Variants in NPHP1 observed in about 807,000 individuals in gnomAD.
NPHP1 encodes nephrocystin-1.
A neutral mutation model predicts 90.4 loss-of-function variants in NPHP1; 70 were observed. The ratio of observed to expected loss-of-function variants is 0.77; its 90% CI spans 0.64 to 0.95. The LOEUF is 0.95. Among genes scored for constraint, NPHP1 ranks in the 40% least tolerant of loss-of-function variants. The pLI is 0.00. For synonymous variants in NPHP1, 256 were observed against 271.7 expected (o/e 0.94, Z 0.57); for missense variants, 764 against 795.9 (o/e 0.96, Z 0.48).
chr2:110,185,763 C>T (rs1684240122), intron 2 of NPHP1, among the ~76,000 whole-genome samples: 1 of 152,088 alleles, frequency 6.6e-6, no homozygotes, highest in Non-Finnish European at 1.5e-5. Context: ...ACTGGAAAGT[C>T]AGGAGGGAGC....
intron 4 of NPHP1, 72 bp downstream of exon 4, chr2:110,178,351 T>C (rs781601606): frequency 3.8e-5 from 55 of 1,433,582 alleles, no homozygotes; most frequent in Non-Finnish European, 4.1e-5. Context: ...CTATATGTCT[T>C]TGAGTTAAAC....
chr2:110,192,057 A>T (rs1033448058), intron 2 of NPHP1, among the ~76,000 whole-genome samples: 1 of 152,146 alleles, frequency 6.6e-6, no homozygotes, highest in Non-Finnish European at 1.5e-5. Context: ...GAGATGGGGA[A>T]AAAACAGAGC....
At chr2:110,176,559 T>G (rs1390248260) in intron 4 of NPHP1, among the ~76,000 whole-genome samples, 1 of 152,192 alleles carries the variant, frequency 6.6e-6, no homozygotes, top group South Asian at 2.1e-4. Context: ...CTTACAGACT[T>G]TGGATTATGT....
At chr2:110,150,057 C>T (rs1259643412) in intron 12 of NPHP1, 125 bp downstream of exon 12, 2 of 824,222 alleles carry the variant, frequency 2.4e-6, no homozygotes, top group African/African-American at 3.4e-5. Flanking sequence ...TTATCAATGT[C>T]CTCAAAGAAC....
chr2:110,144,224 A>G, intron 15 of NPHP1: 3 of 459,072 alleles, frequency 6.5e-6, no homozygotes, highest in Non-Finnish European at 7.9e-6. Context: ...TGTATTAGTC[A>G]CAAGTATCAG....
chr2:110,204,773 C>T (rs1272086313), intron 1 of NPHP1, 127 bp downstream of exon 1: 1 of 917,264 alleles, frequency 1.1e-6, no homozygotes, highest in East Asian at 2.6e-5. Context: ...GGCGTTACAA[C>T]CTGGGAAGGT....
At chr2:110,152,367 A>C (rs939816751) in intron 11 of NPHP1, among the ~76,000 whole-genome samples, 1 of 151,976 alleles carries the variant, frequency 6.6e-6, no homozygotes, top group Non-Finnish European at 1.5e-5. Context: ...CCACATATGA[A>C]GCAATGAAGC....
rs1281730134 is a variant in NPHP1 at position 110,169,997 on chromosome 2, C to G, written c.331G>C (p.Val111Leu). 1 of 1,612,988 alleles carries G rather than the reference C, an allele frequency of 6.2e-7. No individual in the cohort carries two copies. Among genetic ancestry groups the G allele is most frequent in the Non-Finnish European group, 8.5e-7 (1 of 1,179,340 alleles). The change falls in exon 5 of 20, where the codon GTT becomes CTT. Residue 111 changes from valine to leucine, a missense_variant and splice_region_variant. Val to Leu is a conservative substitution (Grantham distance 32). Coordinates refer to ENST00000445609, the MANE Select transcript of NPHP1 (RefSeq NM_001128178.3). ...TCCTCTTCTTCAGTAGGTGCCCCAA[C>G]TCTACAAAAAGTGTTTCTGAGTAGG... The part of the protein sequence containing the change: ...VTISRENITE[V>L]GAPTEEEEES...
At chr2:110,152,879 T>G (rs1048598365) in intron 11 of NPHP1, among the ~76,000 whole-genome samples, 1 of 150,758 alleles carries the variant, frequency 6.6e-6, no homozygotes, top group Non-Finnish European at 1.5e-5. Context: ...GAAGAAATAA[T>G]TGGAGTTGCA....
chr2:110,195,233 T>A (rs1165916344), intron 2 of NPHP1, among the ~76,000 whole-genome samples: 1 of 152,164 alleles, frequency 6.6e-6, no homozygotes, highest in Non-Finnish European at 1.5e-5. Context: ...TGTTTGCAGA[T>A]GACATGATTG....
At chr2:110,174,869 G>A (rs985534865) in intron 4 of NPHP1, among the ~76,000 whole-genome samples, 4 of 150,562 alleles carry the variant, frequency 2.7e-5, no homozygotes, top group East Asian at 1.9e-4. Context: ...CAAACATAGC[G>A]CTGAAGAGCC....
At chr2:110,133,249 T>G (rs1379167250) in intron 16 of NPHP1, among the ~76,000 whole-genome samples, 1 of 151,988 alleles carries the variant, frequency 6.6e-6, no homozygotes, top group African/African-American at 2.4e-5. Flanking sequence ...AAAGAGAACA[T>G]GTTTAGCCAT....
At chr2:110,152,922 T>C (rs1681599411) in intron 11 of NPHP1, among the ~76,000 whole-genome samples, 1 of 148,026 alleles carries the variant, frequency 6.8e-6, no homozygotes, top group African/African-American at 2.5e-5. Context: ...CTGAAAAAAA[T>C]CCCCAAATTT....
chr2:110,191,820 A>T (rs920123629), intron 2 of NPHP1, among the ~76,000 whole-genome samples: 28 of 152,200 alleles, frequency 1.8e-4, no homozygotes, highest in African/African-American at 6.5e-4. Context: ...TTCCAGAGGA[A>T]TGATCAGGCA....
chr2:110,146,922 T>C (rs1170497560), intron 13 of NPHP1, 87 bp from the exon 14 acceptor site: 4 of 913,458 alleles, frequency 4.4e-6, no homozygotes, highest in Admixed American at 1.8e-5. Context: ...AGGAACAAAA[T>C]TAGTATTCAC....
At chr2:110,201,058 A>G (rs1354102564) in intron 2 of NPHP1, among the ~76,000 whole-genome samples, 1 of 152,148 alleles carries the variant, frequency 6.6e-6, no homozygotes, top group Non-Finnish European at 1.5e-5. Flanking sequence ...ATACAAAACA[A>G]AAAACACCCA....
intron 2 of NPHP1, among the ~76,000 whole-genome samples, chr2:110,195,026 C>A (rs1251567720): frequency 3.3e-5 from 5 of 152,098 alleles, no homozygotes; most frequent in Non-Finnish European, 7.4e-5. Context: ...TAACAGCTAT[C>A]TAAGACAAAC....
chr2:110,155,057 C>A (rs1435058526), intron 11 of NPHP1, among the ~76,000 whole-genome samples: 1 of 152,046 alleles, frequency 6.6e-6, no homozygotes, highest in African/African-American at 2.4e-5. Context: ...GGCCGAGGGT[C>A]CCCATGCTGT....
intron 11 of NPHP1, among the ~76,000 whole-genome samples, chr2:110,152,280 C>G (rs1681531046): frequency 6.6e-6 from 1 of 150,618 alleles, no homozygotes; most frequent in South Asian, 2.1e-4. Context: ...ATAGTGAAAC[C>G]TTGGCTCTAT....
Sources: allele counts gnomAD v4.1 joint callset (sites outside exome capture counted in the v4.1 genomes callset), GRCh38; gene constraint gnomAD v4.1.1; transcripts MANE v1.5; gene names NCBI Gene and HGNC (gene_info 2026-07-23, HGNC 2026-07-21).